The following RP1 variants were observed in gnomAD, a reference collection of about 807,000 sequenced individuals.
RP1 encodes oxygen-regulated protein 1.
RP1 carries 16 observed loss-of-function variants against 14.8 expected under a neutral mutation model. That is an observed-to-expected ratio of 1.08 (90% CI 0.73 to 1.65). The LOEUF is 1.65. Among genes scored for constraint, RP1 ranks in the 40% most tolerant of loss-of-function variants. The probability of loss-of-function intolerance (pLI) is 0.00; values close to 1 mark genes in which losing one functional copy is unlikely to be tolerated. For synonymous variants in RP1, 876 were observed against 883.6 expected, an observed-to-expected ratio of 0.99 and a Z score of 0.15; for missense variants, 2,631 against 2,535.0, an observed-to-expected ratio of 1.04 and a Z score of -0.81.
At chr8:54,576,738 G>C (rs1362808608) in intron 1 of RP1, among the ~76,000 whole-genome samples, 2 of 152,214 alleles carry the variant, frequency 1.3e-5, no homozygotes, top group Non-Finnish European at 2.9e-5. Context: ...TTTATCTTCA[G>C]GGCAAGAGTT....
chr8:54,602,577 G>A (rs192854050), intron 1 of RP1, among the ~76,000 whole-genome samples: 1 of 152,136 alleles, frequency 6.6e-6, no homozygotes, highest in Admixed American at 6.5e-5. Context: ...GGGTCAAATG[G>A]TATTTCTAGT....
At chr8:54,569,278 G>A (rs2129292416) in intron 1 of RP1, among the ~76,000 whole-genome samples, 2 of 152,342 alleles carry the variant, frequency 1.3e-5, no homozygotes, top group South Asian at 4.1e-4. Context: ...CAGTGAATTG[G>A]TTTGGATTCT....
chr8:54,844,596 G>A (rs917382142), intron 25 of RP1, among the ~76,000 whole-genome samples: 2 of 151,960 alleles, frequency 1.3e-5, no homozygotes, highest in Non-Finnish European at 2.9e-5. Flanking sequence ...GCCTCTGTGT[G>A]TGCGTATGTG....
At chr8:54,649,769 TAAAA>T (rs1806619542) in intron 4 of RP1, among the ~76,000 whole-genome samples, 1 of 152,150 alleles carries the variant, frequency 6.6e-6, no homozygotes, top group East Asian at 1.9e-4. Context: ...GGAGACAGAG[TAAAA>T]TCACCATGAA....
chr8:54,678,506 C>T lies in RP1; in HGVS notation c.1448C>T (p.Thr483Ile), dbSNP rs1021651474. The change falls in exon 9 of 23, where the codon ACA becomes ATA. Residue 483 changes from threonine (T) to isoleucine (I), a missense_variant. By Grantham distance (89) the Thr-to-Ile change is moderately conservative. Coordinates refer to the RP1 transcript ENST00000636932. ...GATGTTGTTATCAAGGATCCCACAA[C>T]AAATTACGAATATGCCTTCTTCTGT... The T allele has an allele frequency of 3.9e-6, 6 of 1,533,848 alleles. No individual in the cohort carries two copies. In the African/African-American group the frequency reaches 8.2e-5, roughly 21 times the overall value.
chr8:54,725,502 C>T (rs796969552), intron 16 of RP1, among the ~76,000 whole-genome samples: 1 of 152,192 alleles, frequency 6.6e-6, no homozygotes, highest in Non-Finnish European at 1.5e-5. Flanking sequence ...TGCACCATCA[C>T]TCTGTGTGAT....
At chr8:54,564,227 C>T (rs1441112010) in intron 1 of RP1, among the ~76,000 whole-genome samples, 4 of 152,248 alleles carry the variant, frequency 2.6e-5, no homozygotes, top group African/African-American at 9.6e-5. Flanking sequence ...CCTCTTTGGT[C>T]ATTGCAGGGT....
chr8:54,724,163 C>A (rs1012151866), intron 16 of RP1, among the ~76,000 whole-genome samples: 1 of 152,084 alleles, frequency 6.6e-6, no homozygotes, highest in East Asian at 1.9e-4. Flanking sequence ...TGTCATATAT[C>A]CAATTCATAA....
chr8:54,616,235 G>A (rs540913636), intron 1 of RP1, 33 bp downstream of exon 1: 117 of 152,232 alleles, frequency 7.7e-4, no homozygotes, highest in African/African-American at 2.7e-3. Context: ...TCTTTCTTTG[G>A]AAAATATTCT....
At chr8:54,568,104 G>A (rs761079700) in intron 1 of RP1, among the ~76,000 whole-genome samples, 1 of 152,154 alleles carries the variant, frequency 6.6e-6, no homozygotes, top group Non-Finnish European at 1.5e-5. Flanking sequence ...GGCTGCTAGA[G>A]CTCCAGCTAT....
intron 17 of RP1, among the ~76,000 whole-genome samples, chr8:54,730,987 T>C (rs1808781668): frequency 1.3e-5 from 2 of 152,118 alleles, no homozygotes; most frequent in South Asian, 4.1e-4. Flanking sequence ...TTGTTTTCAG[T>C]TGTTTTCAAT....
intron 16 of RP1, among the ~76,000 whole-genome samples, chr8:54,725,449 A>G (rs1334651094): frequency 2.0e-5 from 3 of 152,190 alleles, no homozygotes; most frequent in Non-Finnish European, 2.9e-5. Flanking sequence ...ATAAATAACA[A>G]TGTAATCATG....
intron 1 of RP1, among the ~76,000 whole-genome samples, chr8:54,586,296 A>G (rs2129298927): frequency 6.6e-6 from 1 of 152,300 alleles, no homozygotes; most frequent in East Asian, 1.9e-4. Context: ...TCAGCAGCAG[A>G]GGCTGCAGAA....
intron 1 of RP1, among the ~76,000 whole-genome samples, chr8:54,609,248 C>T (rs958611426): frequency 2.9e-4 from 44 of 151,732 alleles, no homozygotes; most frequent in Non-Finnish European, 5.4e-4. Flanking sequence ...ATTACTTGAG[C>T]CTAGGAGTTT....
chr8:54,684,904 C>A (rs1807522292), intron 12 of RP1, among the ~76,000 whole-genome samples: 1 of 152,064 alleles, frequency 6.6e-6, no homozygotes, highest in African/African-American at 2.4e-5. Flanking sequence ...AAACCAAACA[C>A]CCCATGTTCT....
At chr8:54,592,604 ATTTGGTTGCTTGCAATGAAGAGCTCTAT>A (rs1298481106) in intron 1 of RP1, among the ~76,000 whole-genome samples, 9 of 152,006 alleles carry the variant, frequency 5.9e-5, no homozygotes, top group Non-Finnish European at 1.2e-4. Flanking sequence ...CCGGGGTCGG[ATTTGGTTGCTTGCAATGAAGAGCTCTAT>A]TTTGGCAGCT....
chr8:54,657,824 TC>T (rs1473067696), intron 6 of RP1, among the ~76,000 whole-genome samples: 1 of 152,260 alleles, frequency 6.6e-6, no homozygotes, highest in Non-Finnish European at 1.5e-5. Context: ...GGAATTATTT[TC>T]CTGCGAAGGA....
In RP1 at chr8:54,625,222, A is replaced by C. The variant is rs778644406; in HGVS notation, c.1340A>C (p.Tyr447Ser). 1 of 1,614,056 alleles carries C rather than the reference A, an allele frequency of 6.2e-7. No homozygotes were observed. The highest frequency in any genetic ancestry group is 1.3e-5 in the African/African-American group (1 of 74,940). ...GTQDQAKHRF[Y>S]RPPTPGLRRV... ...CAAGACCAAGCAAAGCATCGTTTTT[A>C]TAGGCCCCCTACACCTGGACTAAGA... The change falls in exon 4 of 4, where the codon TAT becomes TCT. Residue 447 changes from tyrosine to serine, a missense_variant. Physicochemically the swap from Tyr to Ser is moderately radical, Grantham distance 144. Transcript: ENST00000220676.
chr8:54,720,381 C>A, intron 16 of RP1: 1 of 1,259,626 alleles, frequency 7.9e-7, no homozygotes, highest in Non-Finnish European at 1.1e-6. Flanking sequence ...AAAATTTCAT[C>A]ACATTTTTAC....
Sources: gnomAD v4.1 joint callset for allele counts (sites outside exome capture counted in the v4.1 genomes callset) on GRCh38, gnomAD v4.1.1 for gene constraint, MANE v1.5 for transcripts, NCBI Gene and HGNC (gene_info 2026-07-23, HGNC 2026-07-21) for gene names.